The following NEK1 variants were observed in gnomAD, a reference collection of about 807,000 sequenced individuals.
The protein encoded by NEK1 is serine/threonine-protein kinase Nek1.
In NEK1, 137 loss-of-function variants were observed where a neutral mutation model predicts 182.1. That is an observed-to-expected ratio of 0.75 (90% CI 0.65 to 0.87). NEK1 has a LOEUF of 0.87. NEK1 is among the 40% of genes least tolerant of loss of function. The pLI, the probability that NEK1 is intolerant of heterozygous loss-of-function variation, is 0.00. For synonymous variants in NEK1, 513 were observed against 492.2 expected (o/e 1.04, Z -0.56); for missense variants, 1,391 against 1,494.4 (o/e 0.93, Z 1.14).
chr4:169,605,966 C>T (rs1771267712), intron 2 of NEK1, among the ~76,000 whole-genome samples: 1 of 152,060 alleles, frequency 6.6e-6, no homozygotes, highest in African/African-American at 2.4e-5. Context: ...AAACGCTAAC[C>T]ATCTGCCTTT....
At chr4:169,576,076 C>T (rs1285520838) in intron 12 of NEK1, among the ~76,000 whole-genome samples, 2 of 151,948 alleles carry the variant, frequency 1.3e-5, no homozygotes, top group Non-Finnish European at 2.9e-5. Context: ...GTGATTCTCC[C>T]ACTTCAGACT....
At chr4:169,434,913 T>C (rs1738116022) in intron 28 of NEK1, among the ~76,000 whole-genome samples, 1 of 152,210 alleles carries the variant, frequency 6.6e-6, no homozygotes, top group South Asian at 2.1e-4. Context: ...TATCAACTTA[T>C]TCTATAAACT....
Position 169,507,202 on chromosome 4 carries a change from G to T in NEK1, c.1912-70C>A, listed in dbSNP as rs28626053. 61,594 of 408,790 alleles carry T rather than the reference G, an allele frequency of 0.15. 5,192 individuals carry two copies. Among genetic ancestry groups the T allele is most frequent in the African/African-American group, 0.49 (18,968 of 38,506 alleles). 25.3% of individuals were successfully genotyped at this position (408,790 alleles called of 1,614,324 possible). The stretch of plus-strand genomic sequence containing the variant: ...GCAGAGGTTTTTTTTTTTTTTTTTG[G>T]GCCAGGTCTATGAAGATATTTACTT... On this transcript the variant is annotated intron_variant, in intron 22 of 35. Coordinates refer to ENST00000507142, the MANE Select transcript of NEK1 (RefSeq NM_001199397.3).
intron 12 of NEK1, among the ~76,000 whole-genome samples, chr4:169,570,179 C>A (rs1764488062): frequency 6.6e-6 from 1 of 151,774 alleles, no homozygotes; most frequent in Admixed American, 6.6e-5. Context: ...CTCTGCCCGG[C>A]TGCGACCCCG....
intron 12 of NEK1, among the ~76,000 whole-genome samples, chr4:169,564,958 T>G (rs547814927): frequency 6.6e-6 from 1 of 152,170 alleles, no homozygotes; most frequent in South Asian, 2.1e-4. Flanking sequence ...TCCACTCTTA[T>G]GACTAACTAA....
chr4:169,506,044 A>G (rs991700429), intron 23 of NEK1, among the ~76,000 whole-genome samples: 4 of 151,848 alleles, frequency 2.6e-5, no homozygotes, highest in African/African-American at 9.7e-5. Flanking sequence ...CTTAACTTGT[A>G]GGTTTAATAT....
At chr4:169,573,939 T>C (rs1003705685) in intron 12 of NEK1, among the ~76,000 whole-genome samples, 2 of 151,824 alleles carry the variant, frequency 1.3e-5, no homozygotes, top group Non-Finnish European at 2.9e-5. Context: ...GGCAAGAGCA[T>C]TGCTTGAGCC....
chr4:169,513,694 G>A (rs1393009224), intron 19 of NEK1, among the ~76,000 whole-genome samples: 1 of 152,010 alleles, frequency 6.6e-6, no homozygotes, highest in African/African-American at 2.4e-5. Flanking sequence ...TTAGATGCAG[G>A]GTTTTTGCAG....
chr4:169,529,203 T>C (rs1018536177), intron 19 of NEK1, among the ~76,000 whole-genome samples: 1 of 151,992 alleles, frequency 6.6e-6, no homozygotes, highest in Non-Finnish European at 1.5e-5. Flanking sequence ...AGTTGCTACC[T>C]CAAAAAACAA....
intron 12 of NEK1, among the ~76,000 whole-genome samples, chr4:169,565,360 T>G (rs1477263365): frequency 6.6e-6 from 1 of 152,214 alleles, no homozygotes; most frequent in Non-Finnish European, 1.5e-5. Flanking sequence ...CCCTGCTCTT[T>G]GCCCACTACA....
At chr4:169,474,035 G>A (rs940347313) in intron 26 of NEK1, among the ~76,000 whole-genome samples, 2 of 152,024 alleles carry the variant, frequency 1.3e-5, no homozygotes, top group Non-Finnish European at 2.9e-5. Context: ...CTGATATAAA[G>A]AGGACTTTTA....
intron 31 of NEK1, among the ~76,000 whole-genome samples, chr4:169,418,198 A>C (rs1401705620): frequency 1.3e-5 from 2 of 152,198 alleles, no homozygotes; most frequent in Non-Finnish European, 2.9e-5. Context: ...CTTGGAAATA[A>C]GTTAACTAGC....
At chr4:169,454,225 C>T (rs916221704) in intron 27 of NEK1, among the ~76,000 whole-genome samples, 6 of 152,110 alleles carry the variant, frequency 3.9e-5, no homozygotes, top group Admixed American at 6.5e-5. Context: ...ACCATAGAAA[C>T]CCTAGAAGAA....
intron 23 of NEK1, among the ~76,000 whole-genome samples, chr4:169,483,073 G>A (rs1748384035): frequency 6.6e-6 from 1 of 152,138 alleles, no homozygotes; most frequent in African/African-American, 2.4e-5. Flanking sequence ...GATTTCAGGT[G>A]ACAGACATGC....
intron 2 of NEK1, among the ~76,000 whole-genome samples, chr4:169,607,381 C>G (rs1490885263): frequency 1.3e-5 from 2 of 151,862 alleles, no homozygotes; most frequent in Non-Finnish European, 2.9e-5. Flanking sequence ...ATTAATATGT[C>G]TAAGAAAACA....
Position 169,599,158 on chromosome 4 carries a change from C to G in NEK1, c.254G>C (p.Gly85Ala). ...SLYIVMDYCE[G>A]GDLFKRINAQ... Reference sequence around the variant, plus strand: ...ATTTATTCGCTTAAACAGATCCCCTCCCTCACAGTAATCCATTACTATGTA... The same window carrying G: ...ATTTATTCGCTTAAACAGATCCCCTGCCTCACAGTAATCCATTACTATGTA... The change falls in exon 5 of 36, where the codon GGA becomes GCA. Residue 85 changes from glycine to alanine, a missense_variant. By Grantham distance (60) the Gly-to-Ala change is moderately conservative (BLOSUM62 0). Transcript: ENST00000507142. 6.2e-7 allele frequency: 1 copy of G among 1,613,352 alleles called. No homozygotes were observed. The highest frequency in any genetic ancestry group is 8.5e-7 in the Non-Finnish European group (1 of 1,179,634).
At chr4:169,405,769 G>T (rs1284919018) in intron 32 of NEK1, among the ~76,000 whole-genome samples, 3 of 152,046 alleles carry the variant, frequency 2.0e-5, no homozygotes, top group Non-Finnish European at 4.4e-5. Flanking sequence ...GAGTAGCTGA[G>T]ACTACCTACA....
chr4:169,462,726 G>C (rs558506429), intron 27 of NEK1, among the ~76,000 whole-genome samples: 5 of 152,076 alleles, frequency 3.3e-5, no homozygotes, highest in Non-Finnish European at 7.4e-5. Flanking sequence ...ATTTAAACAA[G>C]CTGTTTAATC....
chr4:169,526,100 AAC>A (rs938042502), intron 19 of NEK1, among the ~76,000 whole-genome samples: 79 of 152,300 alleles, frequency 5.2e-4, no homozygotes, highest in African/African-American at 1.5e-3. Context: ...ACCAACAAAA[AAC>A]ATGTGGCTTG....
Sources: gnomAD v4.1 joint callset for allele counts (sites outside exome capture counted in the v4.1 genomes callset) on GRCh38, gnomAD v4.1.1 for gene constraint, MANE v1.5 for transcripts, NCBI Gene and HGNC (gene_info 2026-07-23, HGNC 2026-07-21) for gene names.